Variants in AGPAT4 observed in about 807,000 individuals in gnomAD.
AGPAT4 encodes 1-acyl-sn-glycerol-3-phosphate acyltransferase delta.
AGPAT4 carries 15 observed loss-of-function variants against 48.0 expected under a neutral mutation model. The ratio of observed to expected loss-of-function variants is 0.31; its 90% confidence interval spans 0.21 to 0.48. The LOEUF is 0.48. Among genes scored for constraint, AGPAT4 ranks in the 20% least tolerant of loss-of-function variants. The pLI is 0.99. For missense variants in AGPAT4, 314 were observed against 482.5 expected, an observed-to-expected ratio of 0.65 and a Z score of 3.27; for synonymous variants, 178 against 198.7, an observed-to-expected ratio of 0.90 and a Z score of 0.88.
Position 161,236,709 on chromosome 6 carries a change from G to T in AGPAT4, c.-89-4407C>A, listed in dbSNP as rs1280204441. 6.6e-6 allele frequency among the ~76,000 whole-genome samples: 1 copy of T among 151,258 alleles called. No individual in the cohort carries two copies. Among genetic ancestry groups the T allele is most frequent in the African/African-American group, 2.4e-5 (1 of 41,112 alleles). On this transcript the variant is annotated intron_variant, in intron 1 of 8. Transcript: ENST00000320285. This position sits in a 1 kb window ranked among gnomAD's most constrained non-coding sequence, Gnocchi z 5.0. ...ACTTGAGGTCAGGAGTTCGAAACCA[G>T]CCTGGTGAAACCCCATCTCCACTAA...
At chr6:161,269,218 A>G (rs931417790) in intron 1 of AGPAT4, among the ~76,000 whole-genome samples, 3 of 152,198 alleles carry the variant, frequency 2.0e-5, no homozygotes, top group East Asian at 3.8e-4. Flanking sequence ...TCTTTCAGAA[A>G]GAGAATACAC....
rs1301788381 is a variant in AGPAT4, at chr6:161,165,658, A to G, written c.348+590T>C. On this transcript the variant is annotated intron_variant, in intron 3 of 8. Transcript: ENST00000320285. The surrounding 1 kb of genome is among the most constrained non-coding windows in gnomAD (Gnocchi z 5.5). Reference sequence around the variant, plus strand: ...GCTGCAGTGTGTTGAAGACGACAAAAGTCAACTGAAGAGACCCAGTTCCAA... The same window carrying G: ...GCTGCAGTGTGTTGAAGACGACAAAGGTCAACTGAAGAGACCCAGTTCCAA... 7.7e-7 allele frequency: 1 copy of G among 1,305,610 alleles called. No homozygotes were observed. Among genetic ancestry groups the G allele is most frequent in the Admixed American group, 2.3e-5 (1 of 43,672 alleles). The allele number at this position is 1,305,610 out of a possible 1,614,324, so 80.9% of individuals were successfully genotyped here.
In AGPAT4 at chr6:161,215,547, G is replaced by A. The variant is rs1437299063; in HGVS notation, c.178+16489C>T. Reference sequence around the variant, plus strand: ...TCTGTCTCTCTGGCACACATTACAGGCAAAACCCATATTTTAAATGTATAA... The same window carrying A: ...TCTGTCTCTCTGGCACACATTACAGACAAAACCCATATTTTAAATGTATAA... On this transcript the variant is annotated intron_variant, in intron 2 of 8. Coordinates refer to ENST00000320285, the MANE Select transcript of AGPAT4 (RefSeq NM_020133.3). The surrounding 1 kb of genome is among the most constrained non-coding windows in gnomAD (Gnocchi z 4.5). Among the ~76,000 whole-genome samples the A allele has an allele frequency of 6.6e-6, 1 of 152,018 alleles. No homozygotes were observed. The highest frequency in any genetic ancestry group is 2.4e-5 in the African/African-American group (1 of 41,388).
rs1781867499 is a variant in AGPAT4 at position 161,222,763 on chromosome 6, G to A, written c.178+9273C>T. On this transcript the variant is annotated intron_variant, in intron 2 of 8. Coordinates refer to ENST00000320285, the MANE Select transcript of AGPAT4 (RefSeq NM_020133.3). The surrounding 1 kb of genome is among the most constrained non-coding windows in gnomAD (Gnocchi z 5.9). ...CTGCAAGTTGCTGCTAGGCGCTACTGTATGCCTGCCTGCTCTCCTGCAGGT... is the reference window on the plus strand; with the variant it reads ...CTGCAAGTTGCTGCTAGGCGCTACTATATGCCTGCCTGCTCTCCTGCAGGT... Among the ~76,000 whole-genome samples, 1 of 152,174 alleles carries A rather than the reference G, an allele frequency of 6.6e-6. No homozygotes were observed. Among genetic ancestry groups the A allele is most frequent in the African/African-American group, 2.4e-5 (1 of 41,438 alleles).
Position 161,219,916 on chromosome 6 carries a change from C to CAGGCGGCAGGCAGGCA in AGPAT4, c.178+12119_178+12120insTGCCTGCCTGCCGCCT, listed in dbSNP as rs770490075. ...GCAGGCAGGCAGGCAGGCAGGCAGGCGGCAGGCAGGCAGGCAGGCAGGCAG... is the reference window on the plus strand; with the variant it reads ...GCAGGCAGGCAGGCAGGCAGGCAGGCAGGCGGCAGGCAGGCAGGCAGGCAGGCAGGCAGGCAGGCAG... On this transcript the variant is annotated intron_variant, in intron 2 of 8. Coordinates refer to ENST00000320285, the MANE Select transcript of AGPAT4 (RefSeq NM_020133.3). This position sits in a 1 kb window ranked among gnomAD's most constrained non-coding sequence, Gnocchi z 4.9. 4.3e-4 allele frequency among the ~76,000 whole-genome samples: 46 copies of CAGGCGGCAGGCAGGCA among 106,036 alleles called. No homozygotes were observed. The highest frequency in any genetic ancestry group is 2.8e-3 in the East Asian group (10 of 3,600). 69.6% of individuals were successfully genotyped at this position (106,036 alleles called of 152,430 possible). A position where few individuals can be genotyped will look rare whatever the true frequency, so the allele number is the denominator to read the frequency against.
At position 161,139,468 on chromosome 6, in the gene AGPAT4, G is replaced by A. The variant is rs780123102; in HGVS notation, c.996C>T (p.Ser332=). The change falls in exon 8 of 9, where the codon AGC becomes AGT. Residue 332 remains serine, a synonymous_variant. Transcript: ENST00000320285. This position sits in a 1 kb window ranked among gnomAD's most constrained non-coding sequence, Gnocchi z 9.1. ...AGCTGGCCAGCGTCAGGGAAGACCCGCTCCTGATCATGCTGACCAGGAACT... is the reference window on the plus strand; with the variant it reads ...AGCTGGCCAGCGTCAGGGAAGACCCACTCCTGATCATGCTGACCAGGAACT... ...FFQFLVSMIR[S]GSSLTLASFI... 119 of 1,614,050 alleles carry A rather than the reference G, an allele frequency of 7.4e-5. 1 individual carries two copies. The highest frequency in any genetic ancestry group is 1.6e-4 in the Middle Eastern group (1 of 6,062).
chr6:161,263,488 C>T (rs1033259570), intron 1 of AGPAT4, among the ~76,000 whole-genome samples: 3 of 151,540 alleles, frequency 2.0e-5, no homozygotes, highest in East Asian at 1.9e-4. Flanking sequence ...GAGACTCTCT[C>T]GAAAAACAAA....
chr6:161,203,203 C>T (rs1781281290), intron 2 of AGPAT4, among the ~76,000 whole-genome samples: 1 of 152,014 alleles, frequency 6.6e-6, no homozygotes, highest in African/African-American at 2.4e-5. Flanking sequence ...TCTCTCTCTC[C>T]CATTAGGTTG....
chr6:161,177,322 TTGGAGG>T lies in AGPAT4; in HGVS notation c.179-10911_179-10906del. On this transcript the variant is annotated intron_variant, in intron 2 of 8. Transcript: ENST00000320285. This position sits in a 1 kb window ranked among gnomAD's most constrained non-coding sequence, Gnocchi z 5.0. ...GTCTTTTCACATAGTCCCATATTTCTTGGAGGCTTTGTTTGTTTCTTTTTACTCTTC... is the reference window on the plus strand; with the variant it reads ...GTCTTTTCACATAGTCCCATATTTCTCTTTGTTTGTTTCTTTTTACTCTTC... Among the ~76,000 whole-genome samples, 1 of 152,238 alleles carries T rather than the reference TTGGAGG, an allele frequency of 6.6e-6. No individual in the cohort carries two copies. The highest frequency in any genetic ancestry group is 6.5e-5 in the Admixed American group (1 of 15,280).
rs1781048366 is a variant in AGPAT4 at position 161,195,646 on chromosome 6, T to C, written c.179-29229A>G. 6.6e-6 allele frequency among the ~76,000 whole-genome samples: 1 copy of C among 152,236 alleles called. No individual in the cohort carries two copies. Among genetic ancestry groups the C allele is most frequent in the Non-Finnish European group, 1.5e-5 (1 of 68,044 alleles). ...TGCAGAAGGAGAAAGAGACCTTGCA[T>C]CAGGCTGTGTCATGCCTCAGTCACC... is the stretch of plus-strand genomic sequence containing the variant. On this transcript the variant is annotated intron_variant, in intron 2 of 8. Coordinates refer to ENST00000320285, the MANE Select transcript of AGPAT4 (RefSeq NM_020133.3). The surrounding 1 kb of genome is among the most constrained non-coding windows in gnomAD (Gnocchi z 5.0).
At chr6:161,263,648 C>T (rs1390528371) in intron 1 of AGPAT4, among the ~76,000 whole-genome samples, 1 of 152,074 alleles carries the variant, frequency 6.6e-6, no homozygotes, top group Admixed American at 6.5e-5. Context: ...GTCCTCTCCC[C>T]CGACCTCCTC....
chr6:161,176,624 C>A (rs1780437559), intron 2 of AGPAT4, among the ~76,000 whole-genome samples: 1 of 152,154 alleles, frequency 6.6e-6, no homozygotes, highest in Admixed American at 6.5e-5. Context: ...TTAATTGGAG[C>A]ATTTAGCCCA....
In AGPAT4 at chr6:161,136,318, AAAAG is replaced by A. The variant is rs989659007; in HGVS notation, c.*218_*221del. The A allele has an allele frequency of 5.6e-4, 312 of 557,538 alleles. 4 individuals are homozygous for A. The East Asian group carries it at 8.8e-3, about 16-fold the overall frequency. The allele number at this position is 557,538 out of a possible 1,614,324, so 34.5% of individuals were successfully genotyped here. ...AGCCATTCTCACACACACTCGCACA[AAAAG>A]AAAACCAAAGCCCACTAAAGCACAT... On this transcript the variant is annotated 3_prime_UTR_variant, in exon 9 of 9. Transcript: ENST00000320285.
chr6:161,185,036 G>T (rs534242874), intron 2 of AGPAT4, among the ~76,000 whole-genome samples: 1 of 151,886 alleles, frequency 6.6e-6, no homozygotes. Context: ...AAAGAGGTTG[G>T]GTGGAGCGGG....
At position 161,144,210 on chromosome 6, in the gene AGPAT4, C is replaced by A; in HGVS notation, c.843+2314G>T. 1 of 532,524 alleles carries A rather than the reference C, an allele frequency of 1.9e-6. No homozygotes were observed. The allele number at this position is 532,524 out of a possible 1,614,324, so 33.0% of individuals were successfully genotyped here. A position where few individuals can be genotyped will look rare whatever the true frequency, so the allele number is the denominator to read the frequency against. ...TCTTCTCGGAAGGGCAAAGGGCCAG[C>A]CTCCCAGGCCTGCTCACAGACACAT... On this transcript the variant is annotated intron_variant, in intron 7 of 8. Coordinates refer to ENST00000320285, the MANE Select transcript of AGPAT4 (RefSeq NM_020133.3). This position sits in a 1 kb window ranked among gnomAD's most constrained non-coding sequence, Gnocchi z 6.6.
chr6:161,181,319 T>C (rs1780582769), intron 2 of AGPAT4, among the ~76,000 whole-genome samples: 1 of 152,290 alleles, frequency 6.6e-6, no homozygotes, highest in Non-Finnish European at 1.5e-5. Flanking sequence ...GGTTCTGTTG[T>C]GGTGCCAAGC....
chr6:161,170,469 G>GCA (rs759377641), intron 2 of AGPAT4, among the ~76,000 whole-genome samples: 19 of 121,562 alleles, frequency 1.6e-4, no homozygotes, highest in African/African-American at 5.6e-4. Flanking sequence ...ACACGTGCGC[G>GCA]CGCGCACACA....
rs1246355230 is a variant in AGPAT4, at chr6:161,223,276, G to A, written c.178+8760C>T. Among the ~76,000 whole-genome samples, 2 of 152,314 alleles carry A rather than the reference G, an allele frequency of 1.3e-5. No homozygotes were observed. The highest frequency in any genetic ancestry group is 4.8e-5 in the African/African-American group (2 of 41,564). On this transcript the variant is annotated intron_variant, in intron 2 of 8. Coordinates refer to ENST00000320285, the MANE Select transcript of AGPAT4 (RefSeq NM_020133.3). This position sits in a 1 kb window ranked among gnomAD's most constrained non-coding sequence, Gnocchi z 6.3. Reference sequence around the variant, plus strand: ...TGTTAAAGAATGCCTGCTGGGCGGCGACAGGCATTCTGCAGCGAATTAGCA... The same window carrying A: ...TGTTAAAGAATGCCTGCTGGGCGGCAACAGGCATTCTGCAGCGAATTAGCA...
At position 161,143,865 on chromosome 6, in the gene AGPAT4, G is replaced by A. The variant is rs1354188201; in HGVS notation, c.843+2659C>T. The A allele has an allele frequency of 9.9e-6, 3 of 302,350 alleles. No individual in the cohort carries two copies. The highest frequency in any genetic ancestry group is 2.0e-5 in the Non-Finnish European group (3 of 153,832). The allele number at this position is 302,350 out of a possible 1,614,324, so 18.7% of individuals were successfully genotyped here. Reference sequence around the variant, plus strand: ...GAATGTTGGCACACCTCTGTTGGCTGCCTGCCATTCCCCTCCCATTTTGCA... The same window carrying A: ...GAATGTTGGCACACCTCTGTTGGCTACCTGCCATTCCCCTCCCATTTTGCA... On this transcript the variant is annotated intron_variant, in intron 7 of 8. Transcript: ENST00000320285. This position sits in a 1 kb window ranked among gnomAD's most constrained non-coding sequence, Gnocchi z 4.7.
Sources: gnomAD v4.1 joint callset for allele counts (sites outside exome capture counted in the v4.1 genomes callset) on GRCh38, gnomAD v4.1.1 for gene constraint, Gnocchi (gnomAD v3.1) non-coding constraint, MANE v1.5 for transcripts, NCBI Gene and HGNC (gene_info 2026-07-23, HGNC 2026-07-21) for gene names.